Variants in CDK14 observed in about 807,000 individuals in gnomAD.
CDK14 encodes the protein cyclin dependent kinase 14, also known as cyclin-dependent kinase 14.
Under a neutral mutation model 60.7 loss-of-function variants are expected in CDK14, and 34 were observed. The observed-to-expected ratio is 0.56, with a 90% CI of 0.43 to 0.75. CDK14 has a LOEUF of 0.75. Ranked by LOEUF, CDK14 falls within the 30% of genes least tolerant of loss-of-function variation. The pLI is 0.00. For synonymous variants in CDK14, 197 were observed against 203.7 expected, an observed-to-expected ratio of 0.97 and a Z score of 0.28; for missense variants, 482 against 564.1, an observed-to-expected ratio of 0.85 and a Z score of 1.47.
intron 6 of CDK14, among the ~76,000 whole-genome samples, chr7:90,865,690 A>G (rs1264230564): frequency 2.6e-5 from 4 of 152,176 alleles, no homozygotes; most frequent in Admixed American, 2.0e-4. Flanking sequence ...AATGTTTAAG[A>G]CAAATATGGC....
chr7:91,119,088 C>G (rs938592429), intron 14 of CDK14, among the ~76,000 whole-genome samples: 7 of 151,466 alleles, frequency 4.6e-5, no homozygotes, highest in Non-Finnish European at 8.8e-5. Context: ...TAATGTAACA[C>G]AAGTCTCTGA....
At chr7:91,110,126 A>G (rs1464694819) in intron 12 of CDK14, among the ~76,000 whole-genome samples, 1 of 152,126 alleles carries the variant, frequency 6.6e-6, no homozygotes, top group Non-Finnish European at 1.5e-5. Context: ...TCATGTCTTA[A>G]CAACTTAGGT....
intron 7 of CDK14, among the ~76,000 whole-genome samples, chr7:90,901,098 A>G (rs755682224): frequency 2.0e-4 from 31 of 152,172 alleles, no homozygotes; most frequent in Non-Finnish European, 4.4e-4. Flanking sequence ...ACCTCTAGAA[A>G]CTGTCTCACC....
At chr7:90,971,724 A>T (rs1180711557) in intron 9 of CDK14, among the ~76,000 whole-genome samples, 1 of 152,096 alleles carries the variant, frequency 6.6e-6, no homozygotes, top group Admixed American at 6.6e-5. Flanking sequence ...ACTGGACCAG[A>T]CAGCAAAAAT....
chr7:90,675,449 T>A (rs17163039), intron 2 of CDK14, among the ~76,000 whole-genome samples: 9,651 of 152,186 alleles, frequency 0.063, 346 homozygotes, highest in South Asian at 0.096. Flanking sequence ...GAGCTTTTTT[T>A]CTTGAAATAT....
At chr7:90,884,631 A>G (rs540349308) in intron 6 of CDK14, among the ~76,000 whole-genome samples, 2 of 152,286 alleles carry the variant, frequency 1.3e-5, no homozygotes, top group East Asian at 1.9e-4. Flanking sequence ...AGCCAGGACA[A>G]TCTTAAGCAA....
intron 4 of CDK14, among the ~76,000 whole-genome samples, chr7:90,779,834 C>T (rs1805233325): frequency 6.6e-6 from 1 of 152,064 alleles, no homozygotes; most frequent in Admixed American, 6.5e-5. Flanking sequence ...TTAAATGTTC[C>T]TTAATATCAA....
At chr7:90,819,326 TC>T (rs1399876500) in intron 5 of CDK14, among the ~76,000 whole-genome samples, 1 of 152,184 alleles carries the variant, frequency 6.6e-6, no homozygotes, top group Non-Finnish European at 1.5e-5. Flanking sequence ...CCAGAAGGTA[TC>T]TAGCAAGTGT....
chr7:90,772,172 A>T (rs981240531), intron 4 of CDK14, among the ~76,000 whole-genome samples: 3 of 152,174 alleles, frequency 2.0e-5, no homozygotes, highest in African/African-American at 7.2e-5. Context: ...GTCACTGTAA[A>T]TAGAGCACTC....
intron 2 of CDK14, among the ~76,000 whole-genome samples, chr7:90,650,144 C>T (rs1800599068): frequency 6.6e-6 from 1 of 152,124 alleles, no homozygotes. Context: ...TTTTAATGAT[C>T]ACCATTCTAA....
At chr7:90,671,909 A>C (rs940207552) in intron 2 of CDK14, among the ~76,000 whole-genome samples, 13 of 152,226 alleles carry the variant, frequency 8.5e-5, no homozygotes, top group African/African-American at 2.7e-4. Context: ...GTTTAAGCCC[A>C]GTTGCAAATT....
chr7:91,072,666 A>G (rs990905466), intron 11 of CDK14, among the ~76,000 whole-genome samples: 4 of 152,114 alleles, frequency 2.6e-5, no homozygotes, highest in African/African-American at 9.7e-5. Flanking sequence ...AGAACTGGAC[A>G]GAAGATGAGA....
At chr7:90,987,503 C>T (rs1313874714) in intron 10 of CDK14, among the ~76,000 whole-genome samples, 1 of 152,010 alleles carries the variant, frequency 6.6e-6, no homozygotes, top group African/African-American at 2.4e-5. Flanking sequence ...TTAAATGATG[C>T]TATGTTTTGC....
At chr7:91,035,110 C>G (rs1034297365) in intron 10 of CDK14, among the ~76,000 whole-genome samples, 2 of 152,142 alleles carry the variant, frequency 1.3e-5, no homozygotes. Context: ...TCTCTGCCCT[C>G]CTTCATCTAA....
intron 14 of CDK14, among the ~76,000 whole-genome samples, chr7:91,202,463 C>G (rs1802759361): frequency 6.6e-6 from 1 of 152,122 alleles, no homozygotes; most frequent in South Asian, 2.1e-4. Context: ...GTTGTGCATG[C>G]AACATGTTTT....
chr7:90,824,390 C>A (rs1215850829), intron 5 of CDK14, among the ~76,000 whole-genome samples: 1 of 152,146 alleles, frequency 6.6e-6, no homozygotes, highest in Non-Finnish European at 1.5e-5. Flanking sequence ...TAGCCATCTG[C>A]ATCAACCTAA....
chr7:91,029,204 C>T (rs1796686048), intron 10 of CDK14, among the ~76,000 whole-genome samples: 1 of 152,022 alleles, frequency 6.6e-6, no homozygotes, highest in Non-Finnish European at 1.5e-5. Context: ...CACTTTTATA[C>T]TTTTGGTTAC....
intron 14 of CDK14, among the ~76,000 whole-genome samples, chr7:91,187,728 A>C (rs940452104): frequency 1.3e-5 from 2 of 152,202 alleles, no homozygotes; most frequent in African/African-American, 4.8e-5. Flanking sequence ...ATACTACACC[A>C]TATTTTATAG....
At chr7:91,085,240 C>T (rs1318810338) in intron 12 of CDK14, among the ~76,000 whole-genome samples, 1 of 152,142 alleles carries the variant, frequency 6.6e-6, no homozygotes, top group Non-Finnish European at 1.5e-5. Flanking sequence ...TATCTAGAGG[C>T]TTTCGGGGAG....
Sources: allele counts gnomAD v4.1 joint callset (sites outside exome capture counted in the v4.1 genomes callset), GRCh38; gene constraint gnomAD v4.1.1; transcripts MANE v1.5; gene names NCBI Gene and HGNC (gene_info 2026-07-23, HGNC 2026-07-21).